Variants in ST8SIA6 observed in about 807,000 individuals in gnomAD.
The protein encoded by ST8SIA6 is alpha-2,8-sialyltransferase 8F.
ST8SIA6 carries 39 observed loss-of-function variants against 33.6 expected under a neutral mutation model. That is an observed-to-expected ratio of 1.16 (90% CI 0.90 to 1.52). The LOEUF (loss-of-function observed/expected upper bound fraction) is 1.52, where lower values mean the gene tolerates loss of function less well. ST8SIA6 is among the 40% of genes most tolerant of loss of function. The pLI is 0.00. For missense variants in ST8SIA6, 441 were observed against 443.8 expected (o/e 0.99, Z 0.06); for synonymous variants, 172 against 167.2 (o/e 1.03, Z -0.22).
intron 2 of ST8SIA6, among the ~76,000 whole-genome samples, chr10:17,396,376 T>C (rs1355313070): frequency 6.6e-6 from 1 of 152,196 alleles, no homozygotes; most frequent in African/African-American, 2.4e-5. Context: ...GCCTTTTATA[T>C]ACCTTGGCAA....
Position 17,365,459 on chromosome 10 carries a change from C to A in ST8SIA6, c.291-5859G>T, listed in dbSNP as rs191419420. On this transcript the variant is annotated intron_variant, in intron 3 of 7. Coordinates refer to ENST00000377602, the MANE Select transcript of ST8SIA6 (RefSeq NM_001004470.3). ...ACAGTCCAAAAATATTAAATGGAAC[C>A]TTCCAGAAATAAACAATTCATAAGT... Among the ~76,000 whole-genome samples, 79 of 152,266 alleles carry A rather than the reference C, an allele frequency of 5.2e-4. 1 individual carries two copies. The highest frequency in any genetic ancestry group is 1.9e-3 in the African/African-American group (78 of 41,554).
chr10:17,445,992 A>G (rs1303410565), intron 2 of ST8SIA6, among the ~76,000 whole-genome samples: 8 of 152,198 alleles, frequency 5.3e-5, no homozygotes, highest in African/African-American at 1.7e-4. Context: ...CTGGTATCCA[A>G]AAATTCAAAT....
At chr10:17,348,880 C>T (rs141243375) in intron 4 of ST8SIA6, among the ~76,000 whole-genome samples, 193 of 152,194 alleles carry the variant, frequency 1.3e-3, no homozygotes, top group African/African-American at 4.5e-3. Flanking sequence ...CCTTACTTAG[C>T]CCTAGTCAAG....
intron 3 of ST8SIA6, among the ~76,000 whole-genome samples, chr10:17,390,109 C>T (rs891237010): frequency 6.6e-6 from 1 of 152,158 alleles, no homozygotes; most frequent in Non-Finnish European, 1.5e-5. Context: ...CCTGGCTCCG[C>T]CTCTTGAGTA....
Position 17,344,435 on chromosome 10 carries a change from G to A in ST8SIA6, c.378-12883C>T, listed in dbSNP as rs572573215. Among the ~76,000 whole-genome samples the A allele has an allele frequency of 4.6e-5, 7 of 152,298 alleles. No individual in the cohort carries two copies. In the South Asian group the frequency reaches 6.2e-4, roughly 14 times the overall value. On this transcript the variant is annotated intron_variant, in intron 4 of 7. Coordinates refer to ENST00000377602, the MANE Select transcript of ST8SIA6 (RefSeq NM_001004470.3). ...GGCAAAGAAAGAATGAGAGCCAAGCGAAACCACTTGGGTCTCTTTTCTTAT... is the reference window on the plus strand; with the variant it reads ...GGCAAAGAAAGAATGAGAGCCAAGCAAAACCACTTGGGTCTCTTTTCTTAT...
At chr10:17,354,158 T>C (rs1030821219) in intron 4 of ST8SIA6, among the ~76,000 whole-genome samples, 2 of 152,160 alleles carry the variant, frequency 1.3e-5, no homozygotes, top group South Asian at 2.1e-4. Context: ...TTCCAGAGCT[T>C]CACAAAGAAG....
intron 2 of ST8SIA6, among the ~76,000 whole-genome samples, chr10:17,402,031 C>T (rs1425706016): frequency 1.3e-5 from 2 of 152,160 alleles, no homozygotes; most frequent in Non-Finnish European, 2.9e-5. Flanking sequence ...GCAATCTACT[C>T]ATCTGACACA....
chr10:17,452,084 C>T (rs11254605), intron 2 of ST8SIA6, among the ~76,000 whole-genome samples: 2,184 of 152,246 alleles, frequency 0.014, 42 homozygotes, highest in African/African-American at 0.05. Context: ...CCACAGGACT[C>T]GGGAAAAGAT....
At chr10:17,333,713 ATATATT>A (rs1356619733) in intron 4 of ST8SIA6, among the ~76,000 whole-genome samples, 5 of 25,682 alleles carry the variant, frequency 1.9e-4, no homozygotes, top group Admixed American at 6.3e-4. Flanking sequence ...ATATATATAT[ATATATT>A]TTTTTTTTTT....
At chr10:17,413,185 A>C (rs950222855) in intron 2 of ST8SIA6, among the ~76,000 whole-genome samples, 1 of 151,814 alleles carries the variant, frequency 6.6e-6, no homozygotes, top group Non-Finnish European at 1.5e-5. Flanking sequence ...CAGGATGATT[A>C]TTTTTATTAC....
chr10:17,338,850 C>G (rs913880231), intron 4 of ST8SIA6, among the ~76,000 whole-genome samples: 1 of 152,206 alleles, frequency 6.6e-6, no homozygotes, highest in Non-Finnish European at 1.5e-5. Context: ...CACTGCCCAT[C>G]CATGTGGCAT....
intron 4 of ST8SIA6, among the ~76,000 whole-genome samples, chr10:17,353,266 T>G (rs1849090234): frequency 6.6e-6 from 1 of 152,186 alleles, no homozygotes. Flanking sequence ...AAGTGAAAAC[T>G]TTGTGGTAAA....
intron 5 of ST8SIA6, among the ~76,000 whole-genome samples, chr10:17,329,929 A>T (rs78694878): frequency 0.015 from 2,297 of 152,226 alleles, 59 homozygotes; most frequent in African/African-American, 0.052. Context: ...GCTCCATATC[A>T]TTTCATTAAA....
Position 17,320,931 on chromosome 10 carries a change from G to T in ST8SIA6, c.1144C>A (p.Leu382Ile). ...MPKEYSQILQ[L>I]HMKGILKLQF... is the part of the protein sequence containing the mutation. The stretch of plus-strand genomic sequence containing the variant: ...AGTTTGAGGATTCCTTTCATGTGAA[G>T]TTGGAGGATCTGGCTGTATTCTTTG... Residue 382 changes from leucine to isoleucine, a missense_variant, in exon 8 of 8, where the codon CTT (leucine) becomes ATT (isoleucine). Coordinates refer to ENST00000377602, the MANE Select transcript of ST8SIA6 (RefSeq NM_001004470.3). 5 of 1,614,086 alleles carry T rather than the reference G, an allele frequency of 3.1e-6. No homozygotes were observed. Among genetic ancestry groups the T allele is most frequent in the Non-Finnish European group, 4.2e-6 (5 of 1,179,962 alleles).
intron 4 of ST8SIA6, among the ~76,000 whole-genome samples, chr10:17,343,142 C>T (rs1848727915): frequency 6.6e-6 from 1 of 152,168 alleles, no homozygotes; most frequent in African/African-American, 2.4e-5. Context: ...CCCAGACCCC[C>T]AGCCTGTCCT....
At chr10:17,322,894 G>A (rs1287261373) in intron 7 of ST8SIA6, among the ~76,000 whole-genome samples, 171 bp downstream of exon 7, 2 of 152,122 alleles carry the variant, frequency 1.3e-5, no homozygotes, top group Non-Finnish European at 2.9e-5. Flanking sequence ...TAGGAAAAAC[G>A]ACCTTGATAG....
intron 3 of ST8SIA6, among the ~76,000 whole-genome samples, chr10:17,371,454 T>C (rs1849728717): frequency 6.6e-6 from 1 of 151,814 alleles, no homozygotes; most frequent in East Asian, 1.9e-4. Context: ...GCATCCAGTG[T>C]CAAAAATAAG....
intron 3 of ST8SIA6, among the ~76,000 whole-genome samples, chr10:17,361,113 G>A (rs1433590386): frequency 2.0e-5 from 3 of 152,014 alleles, no homozygotes; most frequent in Non-Finnish European, 2.9e-5. Flanking sequence ...GTATTTCTGA[G>A]CAAGGAATAT....
At chr10:17,385,790 G>A (rs1156971167) in intron 3 of ST8SIA6, among the ~76,000 whole-genome samples, 2 of 152,094 alleles carry the variant, frequency 1.3e-5, no homozygotes, top group African/African-American at 2.4e-5. Context: ...ATAAAACCAG[G>A]CTGTGCCCCA....
Sources: allele counts gnomAD v4.1 joint callset (sites outside exome capture counted in the v4.1 genomes callset), GRCh38; gene constraint gnomAD v4.1.1; transcripts MANE v1.5; gene names NCBI Gene and HGNC (gene_info 2026-07-23, HGNC 2026-07-21).